The following NRXN3 variants were observed in gnomAD, a reference collection of about 807,000 sequenced individuals.
NRXN3 encodes the protein neurexin 3, also known as neurexin III.
Under a neutral mutation model 137.6 loss-of-function variants are expected in NRXN3, and 32 were observed. That is an observed-to-expected ratio of 0.23 (90% CI 0.18 to 0.31). The LOEUF (loss-of-function observed/expected upper bound fraction) is 0.31. Among genes scored for constraint, NRXN3 ranks in the 10% least tolerant of loss-of-function variants. The probability of loss-of-function intolerance (pLI) is 1.00; values close to 1 mark genes in which losing one functional copy is unlikely to be tolerated. For missense variants in NRXN3, 1,574 were observed against 2,062.5 expected (o/e 0.76, Z 4.59); for synonymous variants, 798 against 784.5 (o/e 1.02, Z -0.29).
chr14:78,834,942 T>C (rs889123676), intron 10 of NRXN3, among the ~76,000 whole-genome samples: 3 of 152,164 alleles, frequency 2.0e-5, no homozygotes, highest in African/African-American at 7.2e-5. Context: ...CCCCTCCCCT[T>C]CCTCCTCCCA....
intron 6 of NRXN3, among the ~76,000 whole-genome samples, chr14:78,674,812 C>T (rs1602255189): frequency 6.6e-6 from 1 of 152,084 alleles, no homozygotes; most frequent in South Asian, 2.1e-4. Flanking sequence ...TCCTTTTTGT[C>T]CACTCTAAAT....
chr14:79,243,626 C>T (rs1568753398), intron 15 of NRXN3, among the ~76,000 whole-genome samples: 1 of 152,174 alleles, frequency 6.6e-6, no homozygotes, highest in Middle Eastern at 3.4e-3. Context: ...CAAATCTAGA[C>T]GATATAGCCT....
chr14:79,083,290 G>T (rs2047422308), intron 15 of NRXN3, among the ~76,000 whole-genome samples: 1 of 152,184 alleles, frequency 6.6e-6, no homozygotes, highest in Non-Finnish European at 1.5e-5. Context: ...AAAGCTATTA[G>T]TTTGAAATTC....
intron 20 of NRXN3, among the ~76,000 whole-genome samples, chr14:79,860,151 C>T (rs1007395482): frequency 5.3e-5 from 8 of 152,110 alleles, no homozygotes; most frequent in East Asian, 1.9e-4. Flanking sequence ...AGTGCAATAA[C>T]GAGGGTCTAT....
intron 15 of NRXN3, among the ~76,000 whole-genome samples, chr14:79,022,837 A>G (rs1408577182): frequency 1.3e-5 from 2 of 152,192 alleles, no homozygotes; most frequent in African/African-American, 4.8e-5. Flanking sequence ...CCATGTCTTC[A>G]TTAGCCTTAA....
At chr14:79,325,816 C>CTT (rs2090768142) in intron 15 of NRXN3, among the ~76,000 whole-genome samples, 1 of 152,196 alleles carries the variant, frequency 6.6e-6, no homozygotes, top group Admixed American at 6.5e-5. Flanking sequence ...CACTCTCTGA[C>CTT]TTGCCTGTGT....
intron 15 of NRXN3, among the ~76,000 whole-genome samples, chr14:79,042,889 G>C (rs1003454964): frequency 6.6e-6 from 1 of 151,836 alleles, no homozygotes; most frequent in Admixed American, 6.6e-5. Flanking sequence ...TGCAGCAAAA[G>C]GATTTTTTTT....
rs145815948 is a variant in NRXN3 at position 79,541,713 on chromosome 14, G to C, written c.3444+74311G>C. Among the ~76,000 whole-genome samples, 7 of 152,242 alleles carry C rather than the reference G, an allele frequency of 4.6e-5. No homozygotes were observed. The East Asian group carries it at 9.7e-4, about 21-fold the overall frequency. Reference sequence around the variant, plus strand: ...ATTGTGAAATTGACATCTATCTCTGGAAAATGACTATTACTCCTAATGCCT... The same window carrying C: ...ATTGTGAAATTGACATCTATCTCTGCAAAATGACTATTACTCCTAATGCCT... On this transcript the variant is annotated intron_variant, in intron 16 of 20. Coordinates refer to ENST00000335750, the MANE Select transcript of NRXN3 (RefSeq NM_001330195.2).
At chr14:78,898,396 G>C (rs947604466) in intron 10 of NRXN3, among the ~76,000 whole-genome samples, 14 of 151,822 alleles carry the variant, frequency 9.2e-5, no homozygotes, top group African/African-American at 3.4e-4. Context: ...CCAGCAATGG[G>C]AACTCCCCAG....
At chr14:79,573,715 A>T (rs929311865) in intron 16 of NRXN3, among the ~76,000 whole-genome samples, 1 of 152,036 alleles carries the variant, frequency 6.6e-6, no homozygotes, top group African/African-American at 2.4e-5. Context: ...GCCATTTGTA[A>T]GACTTATATA....
At chr14:78,638,745 G>A (rs1033046830) in intron 4 of NRXN3, among the ~76,000 whole-genome samples, 1 of 152,188 alleles carries the variant, frequency 6.6e-6, no homozygotes, top group Admixed American at 6.5e-5. Flanking sequence ...AAACAGACTT[G>A]TAGAGGAACG....
At position 79,166,881 on chromosome 14, in the gene NRXN3, T is replaced by G. The variant is rs887975370; in HGVS notation, c.3262+178740T>G. ...ATTTGCTATGAGAATTGCATATGGT[T>G]ATCTTTGTAAATAAAGTGCCTGGCA... On this transcript the variant is annotated intron_variant, in intron 15 of 20. Transcript: ENST00000335750. 5.3e-5 allele frequency among the ~76,000 whole-genome samples: 8 copies of G among 152,090 alleles called. No homozygotes were observed. The South Asian group carries it at 8.3e-4, about 16-fold the overall frequency.
intron 9 of NRXN3, among the ~76,000 whole-genome samples, chr14:78,809,571 C>A (rs941096931): frequency 6.6e-6 from 1 of 152,174 alleles, no homozygotes; most frequent in Non-Finnish European, 1.5e-5. Context: ...TCTCTAAAAT[C>A]TGGGATGGGT....
At chr14:78,385,751 ACCACAC>A (rs2089881908) in intron 4 of NRXN3, among the ~76,000 whole-genome samples, 1 of 152,198 alleles carries the variant, frequency 6.6e-6, no homozygotes, top group African/African-American at 2.4e-5. Flanking sequence ...CTTTCTTAGT[ACCACAC>A]CCTGGACCTT....
Position 79,697,932 on chromosome 14 carries a change from A to T in NRXN3, c.4009A>T (p.Ile1337Phe). The T allele has an allele frequency of 6.2e-7, 1 of 1,608,584 alleles. No homozygotes were observed. ...TTRKNRSTASIQPTSDDLVSS... is the reference protein window; with the variant it reads ...TTRKNRSTASFQPTSDDLVSS... ...CCGTAAGAATCGCTCTACAGCCAGC[A>T]TTCAGGTAGGCCTTTTTCCAAGTAT... The change falls in exon 19 of 21, where the codon ATT (isoleucine) becomes TTT (phenylalanine). Residue 1337 changes from isoleucine (I) to phenylalanine (F), a missense_variant. Ile to Phe is a conservative substitution (Grantham distance 21, BLOSUM62 0). This residue lies in a region of NRXN3 where 320 missense variants were observed against 387.1 expected (regional missense o/e 0.83). Transcript: ENST00000335750.
intron 5 of NRXN3, 30 bp from the exon 6 acceptor site, chr14:78,651,134 GA>G: frequency 6.2e-7 from 1 of 1,604,428 alleles, no homozygotes; most frequent in Non-Finnish European, 8.5e-7. Flanking sequence ...TCATTGTTGG[GA>G]TTTTTTTTGT....
chr14:78,232,463 T>C (rs992582723), intron 1 of NRXN3, among the ~76,000 whole-genome samples: 1 of 152,142 alleles, frequency 6.6e-6, no homozygotes, highest in Non-Finnish European at 1.5e-5. Context: ...TCCCCCTCTT[T>C]GTGTGGAGAG....
intron 19 of NRXN3, among the ~76,000 whole-genome samples, chr14:79,738,375 C>T (rs2098949506): frequency 6.8e-6 from 1 of 147,570 alleles, no homozygotes; most frequent in African/African-American, 2.5e-5. Context: ...GTGATGGAGG[C>T]AGATACTGGA....
chr14:79,763,685 C>T (rs1304303167), intron 19 of NRXN3, among the ~76,000 whole-genome samples: 1 of 151,430 alleles, frequency 6.6e-6, no homozygotes, highest in Non-Finnish European at 1.5e-5. Context: ...ATGGCGACTT[C>T]CAGTTATGTC....
Sources: gnomAD v4.1 joint callset for allele counts (sites outside exome capture counted in the v4.1 genomes callset) on GRCh38, gnomAD v4.1.1 for gene constraint, gnomAD v4.1.1 regional missense constraint, MANE v1.5 for transcripts, NCBI Gene and HGNC (gene_info 2026-07-23, HGNC 2026-07-21) for gene names.